FAN1: variants seen among roughly 807,000 people sequenced by gnomAD.
FAN1 encodes FANCD2 and FANCI associated nuclease 1, also known as fanconi-associated nuclease 1.
FAN1 carries 91 observed loss-of-function variants against 104.9 expected under a neutral mutation model. The observed-to-expected ratio is 0.87, with a 90% CI of 0.73 to 1.03. The LOEUF (loss-of-function observed/expected upper bound fraction) is 1.03, where lower values mean the gene tolerates loss of function less well. FAN1 is among the 50% of genes least tolerant of loss of function. FAN1 has a pLI of 0.00. For synonymous variants in FAN1, 478 were observed against 457.6 expected (o/e 1.04, Z -0.57); for missense variants, 1,263 against 1,239.9 (o/e 1.02, Z -0.28).
At chr15:30,907,735 G>C (rs2062014279) in intron 2 of FAN1, among the ~76,000 whole-genome samples, 1 of 152,140 alleles carries the variant, frequency 6.6e-6, no homozygotes, top group Non-Finnish European at 1.5e-5. Context: ...TAAGAAGCTT[G>C]GTCAAGATTG....
intron 13 of FAN1, among the ~76,000 whole-genome samples, chr15:30,935,939 G>T (rs1440783531): frequency 6.6e-6 from 1 of 151,596 alleles, no homozygotes; most frequent in African/African-American, 2.4e-5. Context: ...TGTGTGCCTG[G>T]GATTCATTGA....
chr15:30,928,835 A>C (rs570220005), intron 11 of FAN1, 179 bp downstream of exon 11: 1 of 958,476 alleles, frequency 1.0e-6, no homozygotes, highest in African/African-American at 1.8e-5. Context: ...TTAAGATGTA[A>C]GTATGTGAAG....
chr15:30,913,868 T>A lies in FAN1; in HGVS notation c.1588T>A (p.Leu530Met). 1 of 1,608,834 alleles carries A rather than the reference T, an allele frequency of 6.2e-7. No homozygotes were observed. Among genetic ancestry groups the A allele is most frequent in the Non-Finnish European group, 8.5e-7 (1 of 1,177,402 alleles). ...TTGTACATTTTTCAGAGCCAAAGCC[T>A]TGGCTGGACAGTCAGTACGAATCTG... The part of the protein sequence containing the change: ...GAVILKRAKA[L>M]AGQSVRICKG... The change falls in exon 5 of 15, where the codon TTG becomes ATG. Residue 530 changes from leucine (L) to methionine (M), a missense_variant. Leu to Met is a conservative substitution (Grantham distance 15, BLOSUM62 2). This residue lies in a region of FAN1 where 581 missense variants were observed against 668.8 expected (regional missense o/e 0.87). Transcript: ENST00000362065.
At position 30,905,616 on chromosome 15, in the gene FAN1, A is replaced by G. The variant is rs888602086; in HGVS notation, c.953A>G (p.Asp318Gly). 1 of 1,614,110 alleles carries G rather than the reference A, an allele frequency of 6.2e-7. No homozygotes were observed. Among genetic ancestry groups the G allele is most frequent in the Non-Finnish European group, 8.5e-7 (1 of 1,179,960 alleles). ...VASEAKIQLSDSEAKSHSSAD... is the reference protein window; with the variant it reads ...VASEAKIQLSGSEAKSHSSAD... Reference sequence around the variant, plus strand: ...TCAGAAGCTAAAATACAGCTGTCAGATTCAGAGGCAAAATCTCATAGTTCT... The same window carrying G: ...TCAGAAGCTAAAATACAGCTGTCAGGTTCAGAGGCAAAATCTCATAGTTCT... The change falls in exon 2 of 15, where the codon GAT becomes GGT. Residue 318 changes from aspartate (D) to glycine (G), a missense_variant. By Grantham distance (94) the Asp-to-Gly change is moderately conservative. Around this residue, in one of 2 missense-constraint regions of FAN1, gnomAD observed 682 missense variants for 571.1 expected, o/e 1.19. Coordinates refer to ENST00000362065, the MANE Select transcript of FAN1 (RefSeq NM_014967.5).
rs754320707 is a variant in FAN1 at position 30,937,171 on chromosome 15, G to C, written c.2969G>C (p.Trp990Ser). 1.2e-6 allele frequency: 2 copies of C among 1,614,052 alleles called. No homozygotes were observed. Among genetic ancestry groups the C allele is most frequent in the Non-Finnish European group, 1.7e-6 (2 of 1,179,956 alleles). The change falls in exon 14 of 15, where the codon TGG (tryptophan) becomes TCG (serine). Residue 990 changes from tryptophan to serine, a missense_variant. Transcript: ENST00000362065. ...NDRLSHKQMIWLAELQKLGAE... is the reference protein window; with the variant it reads ...NDRLSHKQMISLAELQKLGAE... ...CGTCTTTCACATAAGCAGATGATCT[G>C]GCTGGCTGAACTGCAGAAGCTGGGG...
In FAN1 at chr15:30,929,307, G is replaced by A. The variant is rs1205501504; in HGVS notation, c.2697G>A (p.Arg899=). The change falls in exon 12 of 15, where the codon CGG becomes CGA. Residue 899 remains arginine, a synonymous_variant. Transcript: ENST00000362065. ...ATGATGCCCCCGAGGAGAGCCTGCG[G>A]GCCTGGGTGGCAGCCACGTGGCATG... The part of the protein sequence containing the change: ...LIHDAPEESL[R]AWVAATWHEQ... 1.2e-6 allele frequency: 2 copies of A among 1,612,842 alleles called. No homozygotes were observed. The highest frequency in any genetic ancestry group is 3.3e-5 in the Admixed American group (2 of 59,846).
intron 13 of FAN1, among the ~76,000 whole-genome samples, chr15:30,933,183 T>A (rs1357442978): frequency 6.6e-6 from 1 of 152,230 alleles, no homozygotes; most frequent in Non-Finnish European, 1.5e-5. Context: ...TGGTTTCATT[T>A]GTTTTTTTAT....
Position 30,925,274 on chromosome 15 carries a change from G to C in FAN1, c.2320G>C (p.Val774Leu). Residue 774 changes from valine (V) to leucine (L), a missense_variant, in exon 9 of 15, where the codon GTG (valine) becomes CTG (leucine). Physicochemically the swap from Val to Leu is conservative, Grantham distance 32 (BLOSUM62 1). This residue lies in a region of FAN1 where 581 missense variants were observed against 668.8 expected (regional missense o/e 0.87). Coordinates refer to ENST00000362065, the MANE Select transcript of FAN1 (RefSeq NM_014967.5). ...HLFQQLPEMAVQDVKHVTITG... is the reference protein window; with the variant it reads ...HLFQQLPEMALQDVKHVTITG... ...CTTCCAGCAGCTCCCAGAAATGGCTGTGCAAGATGTGAAACACGTGAGGAA... is the reference window on the plus strand; with the variant it reads ...CTTCCAGCAGCTCCCAGAAATGGCTCTGCAAGATGTGAAACACGTGAGGAA... 1.9e-6 allele frequency: 3 copies of C among 1,614,040 alleles called. No homozygotes were observed. The highest frequency in any genetic ancestry group is 1.7e-4 in the Middle Eastern group (1 of 6,060).
At chr15:30,931,705 T>C (rs796928830) in intron 13 of FAN1, among the ~76,000 whole-genome samples, 15 of 152,326 alleles carry the variant, frequency 9.8e-5, no homozygotes, top group African/African-American at 3.4e-4. Flanking sequence ...ATTCCCTCTG[T>C]ATCTTTGTCA....
At chr15:30,917,485 C>G (rs1305282414) in intron 5 of FAN1, among the ~76,000 whole-genome samples, 2 of 152,202 alleles carry the variant, frequency 1.3e-5, no homozygotes, top group Non-Finnish European at 2.9e-5. Context: ...TTTCTTTACT[C>G]TTACTTTACA....
chr15:30,917,182 C>T (rs965183044), intron 5 of FAN1, among the ~76,000 whole-genome samples: 2 of 152,076 alleles, frequency 1.3e-5, no homozygotes, highest in Non-Finnish European at 2.9e-5. Context: ...TCAAGGATGG[C>T]TCTGGTGTTT....
intron 14 of FAN1, chr15:30,939,777 A>G: frequency 1.0e-6 from 1 of 985,290 alleles, no homozygotes; most frequent in Non-Finnish European, 1.2e-6. Flanking sequence ...CAATGGCAGG[A>G]TACGCTGTGG....
chr15:30,910,379 T>C (rs2062072008), intron 3 of FAN1, among the ~76,000 whole-genome samples: 3 of 152,254 alleles, frequency 2.0e-5, no homozygotes, highest in Non-Finnish European at 4.4e-5. Flanking sequence ...ATTTTAGTTA[T>C]GTTTTCCTTT....
chr15:30,935,805 C>CA (rs768433194), intron 13 of FAN1, among the ~76,000 whole-genome samples: 9 of 152,174 alleles, frequency 5.9e-5, no homozygotes, highest in Non-Finnish European at 1.3e-4. Flanking sequence ...AGTCTACTGT[C>CA]TTCTAACTAG....
At chr15:30,910,408 C>G (rs573345379) in intron 3 of FAN1, among the ~76,000 whole-genome samples, 1 of 152,066 alleles carries the variant, frequency 6.6e-6, no homozygotes, top group African/African-American at 2.4e-5. Context: ...GTGAGAAATT[C>G]TATTATTTGA....
Position 30,927,341 on chromosome 15 carries a change from G to A in FAN1, c.2489-1212G>A, listed in dbSNP as rs545216917. On this transcript the variant is annotated intron_variant, in intron 10 of 14. Coordinates refer to ENST00000362065, the MANE Select transcript of FAN1 (RefSeq NM_014967.5). ...TCCACTCCTGGCTGGGAAAGAGCAT[G>A]AAGTGTTCTAGGAAGAAAAGTCCTC... 18 of 985,568 alleles carry A rather than the reference G, an allele frequency of 1.8e-5. No individual in the cohort carries two copies. In the African/African-American group the frequency reaches 2.8e-4, roughly 15 times the overall value. The allele number at this position is 985,568 out of a possible 1,614,324, so 61.1% of individuals were successfully genotyped here. A position where few individuals can be genotyped will look rare whatever the true frequency, so the allele number is the denominator to read the frequency against.
chr15:30,928,506 T>G (rs373899691), intron 10 of FAN1, 47 bp from the exon 11 acceptor site: 368 of 1,484,496 alleles, frequency 2.5e-4, no homozygotes, highest in Non-Finnish European at 2.4e-4. Flanking sequence ...AAAACAGATT[T>G]TGTGTGTGTG....
chr15:30,918,166 A>G lies in FAN1; in HGVS notation c.1814A>G (p.Tyr605Cys). The change falls in exon 6 of 15, where the codon TAT (tyrosine) becomes TGT (cysteine). Residue 605 changes from tyrosine (Y) to cysteine (C), a missense_variant and splice_region_variant. Coordinates refer to ENST00000362065, the MANE Select transcript of FAN1 (RefSeq NM_014967.5). ...IFQDRDDLIR[Y>C]AAATHMLSDI... ...ACTTGGATGGCATTTTCCTCCAGAT[A>G]TGCAGCAGCCACGCACATGCTGAGT... 3 of 1,613,968 alleles carry G rather than the reference A, an allele frequency of 1.9e-6. No homozygotes were observed. Among genetic ancestry groups the G allele is most frequent in the Non-Finnish European group, 2.5e-6 (3 of 1,180,016 alleles).
At position 30,925,097 on chromosome 15, in the gene FAN1, A is replaced by G. The variant is rs755935307; in HGVS notation, c.2173-30A>G. The G allele has an allele frequency of 1.0e-5, 16 of 1,581,788 alleles. No individual in the cohort carries two copies. In the South Asian group the frequency reaches 1.8e-4, roughly 18 times the overall value. On this transcript the variant is annotated intron_variant, in intron 8 of 14. Coordinates refer to ENST00000362065, the MANE Select transcript of FAN1 (RefSeq NM_014967.5). ...GGAAGCCGCCATGGGTTTTTTTAGG[A>G]GCCTGATGTGTGACCATGCTCTCTG... is the stretch of plus-strand genomic sequence containing the variant.
Sources: allele counts gnomAD v4.1 joint callset (sites outside exome capture counted in the v4.1 genomes callset), GRCh38; gene constraint gnomAD v4.1.1; regional missense constraint gnomAD v4.1.1; transcripts MANE v1.5; gene names NCBI Gene and HGNC (gene_info 2026-07-23, HGNC 2026-07-21).